The following TMEFF2 variants were observed in gnomAD, a reference collection of about 807,000 sequenced individuals.
TMEFF2 encodes the protein tomoregulin-2.
TMEFF2 carries 28 observed loss-of-function variants against 53.8 expected under a neutral mutation model. The observed-to-expected ratio is 0.52, with a 90% CI of 0.39 to 0.71. TMEFF2 has a LOEUF of 0.71. Ranked by LOEUF, TMEFF2 falls within the 30% of genes least tolerant of loss-of-function variation. The pLI, the probability that TMEFF2 is intolerant of heterozygous loss-of-function variation, is 0.00. For synonymous variants in TMEFF2, 162 were observed against 166.3 expected (o/e 0.97, Z 0.20); for missense variants, 353 against 455.2 (o/e 0.78, Z 2.04).
At chr2:192,088,876 T>C (rs7567063) in intron 4 of TMEFF2, among the ~76,000 whole-genome samples, 63,038 of 151,964 alleles carry the variant, frequency 0.41, 13,645 homozygotes, top group Non-Finnish European at 0.48. Context: ...TCTTCTGAGC[T>C]CTGAAATAAT....
chr2:191,980,874 TG>T, intron 7 of TMEFF2, among the ~76,000 whole-genome samples: 1 of 152,310 alleles, frequency 6.6e-6, no homozygotes, highest in South Asian at 2.1e-4. Context: ...GTATTTTTCC[TG>T]ACTTTCCACT....
intron 4 of TMEFF2, among the ~76,000 whole-genome samples, chr2:192,174,179 T>A (rs1690981627): frequency 6.6e-6 from 1 of 151,850 alleles, no homozygotes; most frequent in Non-Finnish European, 1.5e-5. Flanking sequence ...TTTCTTTTCC[T>A]ATATATAGTT....
intron 2 of TMEFF2, among the ~76,000 whole-genome samples, chr2:192,191,357 T>C (rs1691456133): frequency 6.6e-6 from 1 of 152,104 alleles, no homozygotes; most frequent in African/African-American, 2.4e-5. Context: ...ATGAAAAAGC[T>C]GATATACACT....
chr2:191,968,734 CA>C (rs1180563624), intron 7 of TMEFF2, among the ~76,000 whole-genome samples: 1 of 152,158 alleles, frequency 6.6e-6, no homozygotes, highest in Non-Finnish European at 1.5e-5. Flanking sequence ...CAGGAGGGGA[CA>C]AGCATTATGT....
intron 4 of TMEFF2, among the ~76,000 whole-genome samples, chr2:192,107,219 T>C (rs548084174): frequency 4.6e-5 from 7 of 151,914 alleles, no homozygotes; most frequent in African/African-American, 1.2e-4. Flanking sequence ...ATAATATTAA[T>C]GTTAAATGCA....
intron 4 of TMEFF2, among the ~76,000 whole-genome samples, chr2:192,172,738 G>C (rs1274097944): frequency 6.6e-6 from 1 of 151,920 alleles, no homozygotes; most frequent in Non-Finnish European, 1.5e-5. Flanking sequence ...AGAATCAAAA[G>C]TTAAAGTGGG....
chr2:192,121,259 G>A (rs1481628360), intron 4 of TMEFF2, among the ~76,000 whole-genome samples: 1 of 152,182 alleles, frequency 6.6e-6, no homozygotes, highest in Non-Finnish European at 1.5e-5. Flanking sequence ...TAATTTGTCA[G>A]ATGCCATAGT....
chr2:192,129,805 A>T (rs1463658627), intron 4 of TMEFF2, among the ~76,000 whole-genome samples: 1 of 152,218 alleles, frequency 6.6e-6, no homozygotes, highest in Non-Finnish European at 1.5e-5. Flanking sequence ...ATCATAAAAC[A>T]GTCCTTTAAT....
chr2:191,952,368 C>G (rs1235424300), intron 9 of TMEFF2, among the ~76,000 whole-genome samples: 1 of 152,114 alleles, frequency 6.6e-6, no homozygotes, highest in Non-Finnish European at 1.5e-5. Flanking sequence ...AAGTAGCAAT[C>G]AAATTGTTGA....
At chr2:192,047,642 AGGGGGGC>A (rs1687655985) in intron 5 of TMEFF2, among the ~76,000 whole-genome samples, 1 of 152,240 alleles carries the variant, frequency 6.6e-6, no homozygotes, top group Non-Finnish European at 1.5e-5. Flanking sequence ...ACTTTACATT[AGGGGGGC>A]TAGAAAATCA....
At chr2:192,145,078 A>G (rs1319090414) in intron 4 of TMEFF2, among the ~76,000 whole-genome samples, 1 of 151,972 alleles carries the variant, frequency 6.6e-6, no homozygotes, top group Non-Finnish European at 1.5e-5. Context: ...AAAATTTTCT[A>G]AGGATGTAAA....
In TMEFF2 at chr2:192,194,741, C is replaced by T. The variant is rs1224329836; in HGVS notation, c.-217G>A. On this transcript the variant is annotated 5_prime_UTR_variant, in exon 1 of 10. Transcript: ENST00000272771. This position sits in a 1 kb window ranked among gnomAD's most constrained non-coding sequence, Gnocchi z 4.2. The stretch of plus-strand genomic sequence containing the variant: ...GGGCTCAGCCCCGGAGCGAGAGGGT[C>T]GTCCGCTGAGAAGCTGCGCCGGAGA... 3 of 579,650 alleles carry T rather than the reference C, an allele frequency of 5.2e-6. No homozygotes were observed. The highest frequency in any genetic ancestry group is 6.1e-6 in the Non-Finnish European group (2 of 327,032). The allele number at this position is 579,650 out of a possible 1,614,324, so 35.9% of individuals were successfully genotyped here.
intron 4 of TMEFF2, among the ~76,000 whole-genome samples, chr2:192,119,049 C>CT (rs1291209927): frequency 1.3e-5 from 2 of 152,062 alleles, no homozygotes; most frequent in Non-Finnish European, 2.9e-5. Context: ...TTAATCTCTG[C>CT]TTTTGTTTCT....
Position 192,133,555 on chromosome 2 carries a change from A to G in TMEFF2, c.439+46113T>C, listed in dbSNP as rs574181827. On this transcript the variant is annotated intron_variant, in intron 4 of 9. Coordinates refer to ENST00000272771, the MANE Select transcript of TMEFF2 (RefSeq NM_016192.4). ...AGCCTTACAAGTTAGTTCAGGATCTATGCCTTATCAACTAAATTGTTTTGC... is the reference window on the plus strand; with the variant it reads ...AGCCTTACAAGTTAGTTCAGGATCTGTGCCTTATCAACTAAATTGTTTTGC... Among the ~76,000 whole-genome samples the G allele has an allele frequency of 3.9e-4, 59 of 152,316 alleles. No individual in the cohort carries two copies. In the East Asian group the frequency reaches 7.1e-3, roughly 18 times the overall value.
chr2:192,092,057 A>T (rs1371251111), intron 4 of TMEFF2, among the ~76,000 whole-genome samples: 2 of 152,030 alleles, frequency 1.3e-5, no homozygotes, highest in Non-Finnish European at 2.9e-5. Context: ...TGAACCCTTA[A>T]CTAACAGCTC....
chr2:192,061,673 G>A (rs2105907198), intron 4 of TMEFF2, among the ~76,000 whole-genome samples: 1 of 152,222 alleles, frequency 6.6e-6, no homozygotes, highest in South Asian at 2.1e-4. Flanking sequence ...TCATGTTGAG[G>A]TGTAATCCTC....
intron 4 of TMEFF2, among the ~76,000 whole-genome samples, chr2:192,079,621 T>C (rs7605844): frequency 0.28 from 42,634 of 152,146 alleles, 6,518 homozygotes; most frequent in Middle Eastern, 0.36. Flanking sequence ...TATTAGACTC[T>C]AATATATGTA....
rs750575175 is a variant in TMEFF2, at chr2:192,194,484, G to A, written c.41C>T (p.Thr14Ile). The A allele has an allele frequency of 5.0e-6, 8 of 1,613,954 alleles. No homozygotes were observed. The highest frequency in any genetic ancestry group is 5.9e-6 in the Non-Finnish European group (7 of 1,180,034). ...CAGCCAGCAAAAGCCCTCGCAAAGTGTCCAGCTGCTGCACTGCCGCGGGGA... is the reference window on the plus strand; with the variant it reads ...CAGCCAGCAAAAGCCCTCGCAAAGTATCCAGCTGCTGCACTGCCGCGGGGA... ...WESPRQCSSWTLCEGFCWLLL... is the reference protein window; with the variant it reads ...WESPRQCSSWILCEGFCWLLL... The change falls in exon 1 of 10, where the codon ACA (threonine) becomes ATA (isoleucine). Residue 14 changes from threonine (T) to isoleucine (I), a missense_variant. Transcript: ENST00000272771. This position sits in a 1 kb window ranked among gnomAD's most constrained non-coding sequence, Gnocchi z 4.2.
chr2:192,149,263 T>C (rs958245437), intron 4 of TMEFF2, among the ~76,000 whole-genome samples: 2 of 151,850 alleles, frequency 1.3e-5, no homozygotes, highest in African/African-American at 4.8e-5. Context: ...GTCTGATGAG[T>C]GTATTTCAGC....
Sources: allele counts gnomAD v4.1 joint callset (sites outside exome capture counted in the v4.1 genomes callset), GRCh38; gene constraint gnomAD v4.1.1; non-coding constraint Gnocchi (gnomAD v3.1); transcripts MANE v1.5; gene names NCBI Gene and HGNC (gene_info 2026-07-23, HGNC 2026-07-21).